GLDC: variants seen among roughly 807,000 people sequenced by gnomAD.
GLDC encodes the protein glycine decarboxylase, also known as glycine dehydrogenase (decarboxylating), mitochondrial.
A neutral mutation model predicts 121.3 loss-of-function variants in GLDC; 104 were observed. The ratio of observed to expected loss-of-function variants is 0.86; its 90% confidence interval spans 0.73 to 1.01. The LOEUF (loss-of-function observed/expected upper bound fraction) is 1.01. Among genes scored for constraint, GLDC ranks in the 50% least tolerant of loss-of-function variants. The pLI is 0.00. For synonymous variants in GLDC, 546 were observed against 480.6 expected (o/e 1.14, Z -1.78); for missense variants, 1,429 against 1,306.6 (o/e 1.09, Z -1.44).
At chr9:6,575,766 T>G (rs1057323789) in intron 15 of GLDC, among the ~76,000 whole-genome samples, 1 of 152,342 alleles carries the variant, frequency 6.6e-6, no homozygotes, top group Non-Finnish European at 1.5e-5. Flanking sequence ...AATTACTCTT[T>G]CTGTCTGCCT....
At position 6,604,712 on chromosome 9, in the gene GLDC, T is replaced by A; in HGVS notation, c.934A>T (p.Ile312Phe). ...LRPPGEFGVDIALGSSQRFGV... is the reference protein window; with the variant it reads ...LRPPGEFGVDFALGSSQRFGV... ...AATCTCTGGGAGCTGCCCAGGGCGA[T>A]GTCTACCCCAAATTCTCCAGGTGGC... The change falls in exon 7 of 25, where the codon ATC (isoleucine) becomes TTC (phenylalanine). Residue 312 changes from isoleucine to phenylalanine, a missense_variant. Transcript: ENST00000321612. 2.5e-6 allele frequency: 4 copies of A among 1,614,176 alleles called. No homozygotes were observed. Among genetic ancestry groups the A allele is most frequent in the African/African-American group, 1.3e-5 (1 of 75,054 alleles).
chr9:6,610,473 C>T, intron 3 of GLDC, 117 bp from the exon 4 acceptor site: 1 of 881,704 alleles, frequency 1.1e-6, no homozygotes, highest in South Asian at 1.4e-5. Context: ...AGGAGAATTA[C>T]ATAACACACC....
rs932770106 is a variant in GLDC at position 6,550,653 on chromosome 9, A to C, written c.2569+150T>G. On this transcript the variant is annotated intron_variant, in intron 21 of 24. Transcript: ENST00000321612. The stretch of plus-strand genomic sequence containing the variant: ...AAAATAACAAGATAAAATAAAATAA[A>C]CCCGAGTTATTTCCAAGAACTCTAC... 29 of 680,678 alleles carry C rather than the reference A, an allele frequency of 4.3e-5. No individual in the cohort carries two copies. The African/African-American group carries it at 5.2e-4, about 12-fold the overall frequency. The allele number at this position is 680,678 out of a possible 1,614,324, so 42.2% of individuals were successfully genotyped here.
At position 6,536,197 on chromosome 9, in the gene GLDC, G is replaced by T; in HGVS notation, c.2705C>A (p.Thr902Asn). Residue 902 changes from threonine (T) to asparagine (N), a missense_variant, in exon 23 of 25, where the codon ACC (threonine) becomes AAC (asparagine). Thr to Asn is a moderately conservative substitution (Grantham distance 65). Transcript: ENST00000321612. ...CGACTCAGTGGGCTCCACCATGAGG[G>T]TCCCTGCCACAGGCCAGGACATGGT... The part of the protein sequence containing the change: ...APTMSWPVAG[T>N]LMVEPTESED... 1.2e-6 allele frequency: 2 copies of T among 1,614,036 alleles called. No individual in the cohort carries two copies. Among genetic ancestry groups the T allele is most frequent in the Non-Finnish European group, 1.7e-6 (2 of 1,179,980 alleles).
Position 6,594,983 on chromosome 9 carries a change from C to A in GLDC, c.1261+31G>T, listed in dbSNP as rs1330961275. On this transcript the variant is annotated intron_variant, in intron 9 of 24. Coordinates refer to ENST00000321612, the MANE Select transcript of GLDC (RefSeq NM_000170.3). ...ACTCAAATTTATCAATTTTATTATG[C>A]CCAAATGTTTTAGACAGATTACCAA... 4.7e-6 allele frequency: 6 copies of A among 1,267,812 alleles called. No individual in the cohort carries two copies. The South Asian group carries it at 5.9e-5, about 13-fold the overall frequency. The allele number at this position is 1,267,812 out of a possible 1,614,324, so 78.5% of individuals were successfully genotyped here. A position where few individuals can be genotyped will look rare whatever the true frequency, so the allele number is the denominator to read the frequency against.
At chr9:6,605,378 C>T in intron 5 of GLDC, 100 bp from the exon 6 acceptor site, 9 of 1,270,764 alleles carry the variant, frequency 7.1e-6, no homozygotes, top group Non-Finnish European at 1.0e-5. Context: ...TTTCTGTGCC[C>T]TCCCACAGTG....
At chr9:6,629,958 T>TATATATATATATGTATATATATATATATA in intron 2 of GLDC, among the ~76,000 whole-genome samples, 12 of 78,648 alleles carry the variant, frequency 1.5e-4, no homozygotes, top group African/African-American at 3.6e-4. Flanking sequence ...TATATATATA[T>TATATATATATATGTATATATATATATATA]TTTTTTTTTT....
chr9:6,534,930 T>G (rs1431763799), intron 23 of GLDC, 142 bp from the exon 24 acceptor site: 2 of 674,328 alleles, frequency 3.0e-6, no homozygotes, highest in Non-Finnish European at 5.5e-6. Context: ...GGGTACAATG[T>G]GATTTATAAT....
chr9:6,611,428 T>C (rs373848842), intron 3 of GLDC, among the ~76,000 whole-genome samples: 112 of 152,218 alleles, frequency 7.4e-4, no homozygotes, highest in South Asian at 2.3e-3. Context: ...TGGTGGCACG[T>C]GCCTGTAGTC....
At chr9:6,557,484 A>C (rs1587926009) in intron 17 of GLDC, among the ~76,000 whole-genome samples, 3 of 152,022 alleles carry the variant, frequency 2.0e-5, no homozygotes, top group Admixed American at 2.0e-4. Flanking sequence ...GTCCCAGCTA[A>C]TCAGGAGGCT....
intron 2 of GLDC, among the ~76,000 whole-genome samples, chr9:6,623,798 A>C (rs1389494129): frequency 1.3e-5 from 2 of 152,248 alleles, no homozygotes; most frequent in African/African-American, 2.4e-5. Context: ...CTGAGAAGAT[A>C]GGCAAGGACA....
At position 6,605,131 on chromosome 9, in the gene GLDC, C is replaced by T. The variant is rs540315265; in HGVS notation, c.861G>A (p.Gly287=). 1.2e-6 allele frequency: 2 copies of T among 1,612,256 alleles called. No homozygotes were observed. The highest frequency in any genetic ancestry group is 2.2e-5 in the South Asian group (2 of 91,004). ...CCCCCCACAAGAAAGGTATACCTACCCCACTCTGATGAGCTCTCTCCACGA... is the reference window on the plus strand; with the variant it reads ...CCCCCCACAAGAAAGGTATACCTACTCCACTCTGATGAGCTCTCTCCACGA... ...TELVERAHQS[G]SLACCATDLL... The change falls in exon 6 of 25, where the codon GGG becomes GGA. Residue 287 remains glycine, a splice_region_variant and synonymous_variant. Coordinates refer to ENST00000321612, the MANE Select transcript of GLDC (RefSeq NM_000170.3).
chr9:6,550,991 C>T, intron 20 of GLDC, 77 bp from the exon 21 acceptor site: 2 of 902,760 alleles, frequency 2.2e-6, no homozygotes, highest in Non-Finnish European at 3.7e-6. Flanking sequence ...AAAAGACACC[C>T]CCAGATAAAC....
chr9:6,539,929 AC>A (rs1817219837), intron 22 of GLDC, 121 bp downstream of exon 22: 3 of 771,342 alleles, frequency 3.9e-6, no homozygotes, highest in Non-Finnish European at 4.7e-6. Flanking sequence ...GTTGCCAAGA[AC>A]CCTGAGCTCC....
Position 6,589,341 on chromosome 9 carries a change from A to T in GLDC, c.1483-49T>A, listed in dbSNP as rs555796704. ...TAGGGCCAGAACTGTGCCTGGAGCC[A>T]CATGTGGACATCCAGGCTTCTGGGT... On this transcript the variant is annotated intron_variant, in intron 11 of 24. Coordinates refer to ENST00000321612, the MANE Select transcript of GLDC (RefSeq NM_000170.3). The T allele has an allele frequency of 2.0e-5, 22 of 1,104,158 alleles. No homozygotes were observed. The East Asian group carries it at 4.9e-4, about 25-fold the overall frequency. 68.4% of individuals were successfully genotyped at this position (1,104,158 alleles called of 1,614,324 possible).
chr9:6,560,104 T>A (rs1817720706), intron 16 of GLDC, among the ~76,000 whole-genome samples: 1 of 152,222 alleles, frequency 6.6e-6, no homozygotes, highest in African/African-American at 2.4e-5. Context: ...AACAACCATG[T>A]GGACACAGGC....
In GLDC at chr9:6,558,651, TG is replaced by T. The variant is rs1563836886; in HGVS notation, c.1959del (p.Asn654ThrfsTer10). ...VCLIPKSAHGTNPASAHMAGM... is the reference protein window; with the variant it reads ...VCLIPKSAHGXNPASAHMAGM... ...CCTGCCATGTGGGCACTTGCTGGGTTGGTCCCATGTGCTGATTTCGGAATGA... is the reference window on the plus strand; with the variant it reads ...CCTGCCATGTGGGCACTTGCTGGGTTGTCCCATGTGCTGATTTCGGAATGA... On this transcript the variant is annotated frameshift_variant, in exon 17 of 25. Transcript: ENST00000321612. LOFTEE classifies it high-confidence loss of function. The T allele has an allele frequency of 2.5e-6, 4 of 1,614,220 alleles. No homozygotes were observed. Among genetic ancestry groups the T allele is most frequent in the Non-Finnish European group, 3.4e-6 (4 of 1,180,024 alleles).
chr9:6,541,211 G>C (rs1226253707), intron 21 of GLDC: 2 of 152,188 alleles, frequency 1.3e-5, no homozygotes, highest in Non-Finnish European at 2.9e-5. Flanking sequence ...TCCCCAGAAT[G>C]AGCTACTGAC....
chr9:6,586,612 T>A (rs1342675781), intron 15 of GLDC, among the ~76,000 whole-genome samples: 1 of 152,216 alleles, frequency 6.6e-6, no homozygotes, highest in African/African-American at 2.4e-5. Context: ...CTTCTTCTTA[T>A]GCTGTGTCAC....
Sources: allele counts gnomAD v4.1 joint callset (sites outside exome capture counted in the v4.1 genomes callset), GRCh38; gene constraint gnomAD v4.1.1; transcripts MANE v1.5; gene names NCBI Gene and HGNC (gene_info 2026-07-23, HGNC 2026-07-21).